HM13: variants seen among roughly 807,000 people sequenced by gnomAD.
HM13 encodes signal peptide peptidase.
A neutral mutation model predicts 50.0 loss-of-function variants in HM13; 18 were observed. The ratio of observed to expected loss-of-function variants is 0.36; its 90% confidence interval spans 0.25 to 0.53. The LOEUF (loss-of-function observed/expected upper bound fraction) is 0.53. Among genes scored for constraint, HM13 ranks in the 20% least tolerant of loss-of-function variants. The pLI is 0.90. For synonymous variants in HM13, 197 were observed against 232.6 expected (o/e 0.85, Z 1.39); for missense variants, 393 against 552.4 (o/e 0.71, Z 2.89).
At chr20:31,550,259 C>G in intron 7 of HM13, 138 bp downstream of exon 7, 1 of 697,206 alleles carries the variant, frequency 1.4e-6, no homozygotes, top group Non-Finnish European at 2.6e-6. Context: ...GCCTGGTTTC[C>G]TTATCCTCAA....
intron 8 of HM13, among the ~76,000 whole-genome samples, chr20:31,559,387 T>C (rs1045079534): frequency 1.3e-5 from 2 of 152,236 alleles, no homozygotes; most frequent in Non-Finnish European, 2.9e-5. Context: ...GGTGAGGTGC[T>C]GGGTCATTGT....
chr20:31,550,333 A>G, intron 7 of HM13: 1 of 566,432 alleles, frequency 1.8e-6, no homozygotes, highest in Non-Finnish European at 3.2e-6. Flanking sequence ...GTCGTGGTGC[A>G]GCATGGCGTG....
chr20:31,528,768 C>T (rs1048579780), intron 2 of HM13, among the ~76,000 whole-genome samples: 2 of 152,208 alleles, frequency 1.3e-5, no homozygotes, highest in African/African-American at 4.8e-5. Context: ...TTAGCCACTG[C>T]ACCCGGCCAA....
intron 4 of HM13, among the ~76,000 whole-genome samples, chr20:31,545,543 T>C (rs1434050791): frequency 6.6e-6 from 1 of 152,108 alleles, no homozygotes; most frequent in Non-Finnish European, 1.5e-5. Context: ...GACAGGATGA[T>C]CACTTGAGGC....
intron 1 of HM13, among the ~76,000 whole-genome samples, chr20:31,516,710 A>G (rs1295486440): frequency 6.6e-6 from 1 of 152,098 alleles, no homozygotes; most frequent in East Asian, 1.9e-4. Context: ...TGGATAGGAG[A>G]AAGCCTTAGC....
chr20:31,535,279 G>A (rs1471381299), intron 2 of HM13: 1 of 152,038 alleles, frequency 6.6e-6, no homozygotes, highest in African/African-American at 2.4e-5. Flanking sequence ...TTCCTTTGAG[G>A]CAACTCAAAA....
chr20:31,518,891 C>G (rs1240132503), intron 1 of HM13, among the ~76,000 whole-genome samples: 1 of 151,490 alleles, frequency 6.6e-6, no homozygotes, highest in Non-Finnish European at 1.5e-5. Context: ...AGAGATCTAC[C>G]TCATCTTTTA....
intron 6 of HM13, 84 bp downstream of exon 6, chr20:31,549,416 C>G: frequency 6.4e-7 from 1 of 1,569,942 alleles, no homozygotes; most frequent in East Asian, 2.2e-5. Context: ...AAGTTGCAGT[C>G]ATCTGACGGA....
intron 1 of HM13, among the ~76,000 whole-genome samples, chr20:31,520,894 G>A (rs1252920994): frequency 2.6e-5 from 4 of 152,312 alleles, no homozygotes; most frequent in Admixed American, 6.5e-5. Flanking sequence ...AGGGCATGGC[G>A]TAGAAGCAGT....
At chr20:31,537,453 C>G (rs889013160) in intron 2 of HM13, among the ~76,000 whole-genome samples, 23 of 152,352 alleles carry the variant, frequency 1.5e-4, no homozygotes, top group East Asian at 3.9e-4. Context: ...CCCTATACCC[C>G]ACACAACAGC....
At chr20:31,550,269 A>G (rs555355229) in intron 7 of HM13, 148 bp downstream of exon 7, 46 of 666,066 alleles carry the variant, frequency 6.9e-5, no homozygotes, top group African/African-American at 6.7e-4. Context: ...CTTATCCTCA[A>G]TTGATTCATC....
intron 9 of HM13, 23 bp from the exon 10 acceptor site, chr20:31,561,611 C>A: frequency 6.5e-7 from 1 of 1,531,606 alleles, no homozygotes; most frequent in Non-Finnish European, 9.1e-7. Context: ...CCCTCCTCCT[C>A]TTTCTTCACA....
At chr20:31,568,410 C>G in intron 12 of HM13, 186 bp downstream of exon 12, 1 of 789,726 alleles carries the variant, frequency 1.3e-6, no homozygotes, top group Non-Finnish European at 1.9e-6. Context: ...CAGGACAACC[C>G]CGAAGCTTCC....
intron 1 of HM13, among the ~76,000 whole-genome samples, chr20:31,517,725 G>A (rs1180966569): frequency 6.6e-6 from 1 of 152,100 alleles, no homozygotes; most frequent in Non-Finnish European, 1.5e-5. Flanking sequence ...CTTGGATGTA[G>A]TGACAAGATG....
intron 7 of HM13, among the ~76,000 whole-genome samples, chr20:31,552,078 G>T (rs112805309): frequency 0.25 from 38,661 of 151,720 alleles, 7,088 homozygotes; most frequent in African/African-American, 0.52. Context: ...TACACGGGGA[G>T]GGCATTTCTC....
At chr20:31,565,013 A>C (rs1984822315) in intron 10 of HM13, among the ~76,000 whole-genome samples, 1 of 151,694 alleles carries the variant, frequency 6.6e-6, no homozygotes, top group African/African-American at 2.4e-5. Flanking sequence ...AAAATACAAA[A>C]AAATTAGCCG....
chr20:31,536,091 G>A (rs779189073), intron 2 of HM13, among the ~76,000 whole-genome samples: 3 of 152,252 alleles, frequency 2.0e-5, no homozygotes, highest in Non-Finnish European at 2.9e-5. Context: ...GGCTGGGTGC[G>A]GTGGGTCACG....
intron 8 of HM13, among the ~76,000 whole-genome samples, chr20:31,558,829 T>C (rs1984455961): frequency 6.6e-6 from 1 of 152,134 alleles, no homozygotes; most frequent in South Asian, 2.1e-4. Context: ...GTTCAAGCGA[T>C]TCTCCTGCCT....
At chr20:31,553,930 G>C (rs1984162215) in intron 7 of HM13, among the ~76,000 whole-genome samples, 1 of 152,120 alleles carries the variant, frequency 6.6e-6, no homozygotes, top group African/African-American at 2.4e-5. Flanking sequence ...TTGGCACTGT[G>C]TGGCTCTTTT....
Sources: allele counts gnomAD v4.1 joint callset (sites outside exome capture counted in the v4.1 genomes callset), GRCh38; gene constraint gnomAD v4.1.1; transcripts MANE v1.5; gene names NCBI Gene and HGNC (gene_info 2026-07-23, HGNC 2026-07-21).